The following CLASP2 variants were observed in gnomAD, a reference collection of about 807,000 sequenced individuals.
CLASP2 encodes the protein cytoplasmic linker associated protein 2.
CLASP2 carries 47 observed loss-of-function variants against 194.4 expected under a neutral mutation model. The ratio of observed to expected loss-of-function variants is 0.24; its 90% CI spans 0.19 to 0.31. CLASP2 has a LOEUF of 0.31. CLASP2 is among the 10% of genes least tolerant of loss of function. The probability of loss-of-function intolerance (pLI) is 1.00; values close to 1 mark genes in which losing one functional copy is unlikely to be tolerated. For synonymous variants in CLASP2, 619 were observed against 633.5 expected (o/e 0.98, Z 0.34); for missense variants, 1,445 against 1,823.6 (o/e 0.79, Z 3.78).
chr3:33,680,901 C>A (rs982165134), intron 6 of CLASP2, among the ~76,000 whole-genome samples: 2 of 151,918 alleles, frequency 1.3e-5, no homozygotes, highest in Non-Finnish European at 2.9e-5. Context: ...CCGAGGCAGG[C>A]GGATCACGAG....
chr3:33,580,928 A>T (rs975743938), intron 23 of CLASP2, among the ~76,000 whole-genome samples: 1 of 143,776 alleles, frequency 7.0e-6, no homozygotes, highest in Non-Finnish European at 1.5e-5. Flanking sequence ...AGGCAGGAGA[A>T]TGGTGTGAAC....
intron 1 of CLASP2, among the ~76,000 whole-genome samples, chr3:33,716,758 T>G (rs544020813): frequency 6.6e-6 from 1 of 152,226 alleles, no homozygotes; most frequent in East Asian, 1.9e-4. Flanking sequence ...TCAAACTTTA[T>G]TGTCCTTGTA....
intron 6 of CLASP2, among the ~76,000 whole-genome samples, chr3:33,675,678 C>T (rs2088449573): frequency 6.8e-6 from 1 of 147,942 alleles, no homozygotes; most frequent in African/African-American, 2.5e-5. Context: ...GATTGTATAT[C>T]TAGAAAACCC....
chr3:33,664,556 A>G (rs1368091028), intron 6 of CLASP2, among the ~76,000 whole-genome samples: 2 of 152,226 alleles, frequency 1.3e-5, no homozygotes, highest in African/African-American at 2.4e-5. Flanking sequence ...AAGAACTAAA[A>G]AATTTTTTTA....
At chr3:33,619,783 A>G (rs754422714) in intron 11 of CLASP2, 45 bp from the exon 12 acceptor site, 23 of 1,444,196 alleles carry the variant, frequency 1.6e-5, no homozygotes, top group Non-Finnish European at 1.4e-5. Context: ...TTAACATTAA[A>G]TATAGATAGA....
chr3:33,522,866 C>T (rs913572157), intron 34 of CLASP2, among the ~76,000 whole-genome samples: 15 of 152,044 alleles, frequency 9.9e-5, no homozygotes, highest in South Asian at 2.1e-4. Flanking sequence ...GTCAGGAGAT[C>T]GAGACCATCC....
rs144997491 is a variant in CLASP2 at position 33,548,723 on chromosome 3, T to C, written c.3153+2529A>G. On this transcript the variant is annotated intron_variant, in intron 30 of 38. Coordinates refer to ENST00000682230, the MANE Select transcript of CLASP2 (RefSeq NM_001365631.1). ...ATTATCAGCTTGAGACATTTTCTAG[T>C]GATTTCCTGCCACAATAGGTAACGA... 9.1e-4 allele frequency among the ~76,000 whole-genome samples: 138 copies of C among 151,966 alleles called. 1 individual carries two copies. The highest frequency in any genetic ancestry group is 6.9e-3 in the Middle Eastern group (2 of 288).
At chr3:33,529,963 C>T (rs1451816332) in intron 34 of CLASP2, among the ~76,000 whole-genome samples, 54 of 115,596 alleles carry the variant, frequency 4.7e-4, no homozygotes, top group African/African-American at 1.8e-3. Context: ...CCGGGCTGGG[C>T]GACAGAGCGA....
At chr3:33,629,928 T>G (rs890163548) in intron 9 of CLASP2, among the ~76,000 whole-genome samples, 1 of 152,064 alleles carries the variant, frequency 6.6e-6, no homozygotes, top group Admixed American at 6.6e-5. Flanking sequence ...AAGTGACAGA[T>G]GATTAATTCA....
At chr3:33,609,283 AATAAATT>A (rs2074599363) in intron 13 of CLASP2, among the ~76,000 whole-genome samples, 1 of 152,150 alleles carries the variant, frequency 6.6e-6, no homozygotes, top group Admixed American at 6.5e-5. Flanking sequence ...CTGTCTCAAA[AATAAATT>A]AAATAAAATT....
At chr3:33,535,130 G>A (rs1159721608) in intron 34 of CLASP2, 103 bp downstream of exon 34, 6 of 744,304 alleles carry the variant, frequency 8.1e-6, no homozygotes, top group Non-Finnish European at 1.1e-5. Flanking sequence ...TCTAAAAATT[G>A]TTACTTTTTG....
intron 8 of CLASP2, among the ~76,000 whole-genome samples, chr3:33,641,452 A>G (rs978629899): frequency 2.6e-5 from 4 of 152,020 alleles, no homozygotes; most frequent in Admixed American, 2.6e-4. Flanking sequence ...TTTTATAGCA[A>G]TGATACATAT....
intron 1 of CLASP2, among the ~76,000 whole-genome samples, chr3:33,698,788 T>A (rs765506457): frequency 6.6e-6 from 1 of 152,192 alleles, no homozygotes; most frequent in Non-Finnish European, 1.5e-5. Flanking sequence ...CTATTTAACT[T>A]GCTCTTAAAC....
Position 33,547,831 on chromosome 3 carries a change from C to T in CLASP2, c.3154-2990G>A, listed in dbSNP as rs1260754708. ...TGAGATGGGGTGCTGCTCTGTCACT[C>T]GGGCTGGAGTGCAGTGGTGTAATCA... On this transcript the variant is annotated intron_variant, in intron 30 of 38. Coordinates refer to ENST00000682230, the MANE Select transcript of CLASP2 (RefSeq NM_001365631.1). Among the ~76,000 whole-genome samples the T allele has an allele frequency of 2.7e-5, 4 of 146,770 alleles. 1 individual carries two copies. The highest frequency in any genetic ancestry group is 4.3e-4 in the South Asian group (2 of 4,666).
In CLASP2 at chr3:33,689,903, C is replaced by G; in HGVS notation, c.304G>C (p.Asp102His). 1.3e-6 allele frequency: 2 copies of G among 1,596,260 alleles called. No individual in the cohort carries two copies. The highest frequency in any genetic ancestry group is 1.8e-5 in the Admixed American group (1 of 56,844). The change falls in exon 3 of 39, where the codon GAT becomes CAT. Residue 102 changes from aspartate to histidine, a missense_variant. Transcript: ENST00000682230. ...TCATCTCGAACCTTGTCTTTGGCATCTCCCATTCTGTCTATTAAAGCTACA... is the reference window on the plus strand; with the variant it reads ...TCATCTCGAACCTTGTCTTTGGCATGTCCCATTCTGTCTATTAAAGCTACA... Reference protein sequence around the residue: ...VIVALIDRMGDAKDKVRDEAQ... With the variant: ...VIVALIDRMGHAKDKVRDEAQ...
At chr3:33,558,786 C>T (rs1410644637) in intron 29 of CLASP2, 2 of 153,798 alleles carry the variant, frequency 1.3e-5, no homozygotes, top group Non-Finnish European at 2.8e-5. Context: ...AATACATAGG[C>T]AAAACTGACA....
intron 7 of CLASP2, among the ~76,000 whole-genome samples, chr3:33,648,004 G>A (rs1487163736): frequency 6.6e-6 from 1 of 151,302 alleles, no homozygotes; most frequent in Non-Finnish European, 1.5e-5. Context: ...CTGCATTCCA[G>A]CCTGGGCAAC....
At chr3:33,694,902 T>G (rs2091711559) in intron 2 of CLASP2, among the ~76,000 whole-genome samples, 1 of 151,790 alleles carries the variant, frequency 6.6e-6, no homozygotes, top group Non-Finnish European at 1.5e-5. Context: ...ACGATCATAC[T>G]ACTGCACTCC....
chr3:33,647,892 G>T (rs1433665545), intron 7 of CLASP2, among the ~76,000 whole-genome samples: 5 of 152,094 alleles, frequency 3.3e-5, no homozygotes, highest in Non-Finnish European at 7.4e-5. Flanking sequence ...AATTAGCCAG[G>T]CGTGGTGGTG....
Sources: allele counts gnomAD v4.1 joint callset (sites outside exome capture counted in the v4.1 genomes callset), GRCh38; gene constraint gnomAD v4.1.1; transcripts MANE v1.5; gene names NCBI Gene and HGNC (gene_info 2026-07-23, HGNC 2026-07-21).